ELK3: variants seen among roughly 807,000 people sequenced by gnomAD.
ELK3 encodes the protein ETS transcription factor ELK3.
In ELK3, 10 loss-of-function variants were observed where a neutral mutation model predicts 28.9. The observed-to-expected ratio is 0.35, with a 90% CI of 0.21 to 0.59. ELK3 has a LOEUF of 0.59. ELK3 is among the 20% of genes least tolerant of loss of function. The probability of loss-of-function intolerance (pLI) is 0.82; values close to 1 mark genes in which losing one functional copy is unlikely to be tolerated. For synonymous variants in ELK3, 272 were observed against 243.5 expected, an observed-to-expected ratio of 1.12 and a Z score of -1.09; for missense variants, 463 against 517.3, an observed-to-expected ratio of 0.90 and a Z score of 1.02.
chr12:96,265,982 ATTTG>A (rs1483430812), intron 4 of ELK3, among the ~76,000 whole-genome samples: 1 of 152,216 alleles, frequency 6.6e-6, no homozygotes, highest in African/African-American at 2.4e-5. Flanking sequence ...GTACAGAAAG[ATTTG>A]TTTAAAACTT....
chr12:96,225,516 C>T (rs766989443), intron 2 of ELK3, among the ~76,000 whole-genome samples: 22 of 152,340 alleles, frequency 1.4e-4, no homozygotes, highest in Non-Finnish European at 2.5e-4. Flanking sequence ...TTCTGTCAGA[C>T]GTCTAAGGTG....
rs901833040 is a variant in ELK3 at position 96,247,748 on chromosome 12, C to T, written c.1002+14C>T. ...TTCACCGCACAGGTAAGAGTCATTCCTGTCATCTAAGCCACAGCCAGCTTC... is the reference window on the plus strand; with the variant it reads ...TTCACCGCACAGGTAAGAGTCATTCTTGTCATCTAAGCCACAGCCAGCTTC... On this transcript the variant is annotated intron_variant, in intron 3 of 4. Coordinates refer to ENST00000228741, the MANE Select transcript of ELK3 (RefSeq NM_005230.4). The surrounding 1 kb of genome is among the most constrained non-coding windows in gnomAD (Gnocchi z 5.5). The T allele has an allele frequency of 3.3e-6, 5 of 1,518,336 alleles. No individual in the cohort carries two copies. In the East Asian group the frequency reaches 1.2e-4, roughly 37 times the overall value. 94.1% of individuals were successfully genotyped at this position (1,518,336 alleles called of 1,614,324 possible). A position where few individuals can be genotyped will look rare whatever the true frequency, so the allele number is the denominator to read the frequency against.
chr12:96,242,557 G>A (rs1170629990), intron 2 of ELK3, among the ~76,000 whole-genome samples: 1 of 152,198 alleles, frequency 6.6e-6, no homozygotes, highest in Non-Finnish European at 1.5e-5. Flanking sequence ...AAACATACAT[G>A]GCGCTGCTTC....
chr12:96,249,894 G>A (rs1436710861), intron 3 of ELK3, among the ~76,000 whole-genome samples: 1 of 152,222 alleles, frequency 6.6e-6, no homozygotes, highest in Non-Finnish European at 1.5e-5. Flanking sequence ...GAAACTAGGT[G>A]GGAAGGCGTA....
At chr12:96,228,507 T>C (rs993227206) in intron 2 of ELK3, among the ~76,000 whole-genome samples, 1 of 151,180 alleles carries the variant, frequency 6.6e-6, no homozygotes, top group African/African-American at 2.4e-5. Flanking sequence ...AAACGCCGGA[T>C]CTGAGTATTA....
intron 2 of ELK3, among the ~76,000 whole-genome samples, chr12:96,240,722 G>A (rs1275553330): frequency 6.6e-6 from 1 of 152,226 alleles, no homozygotes; most frequent in Admixed American, 6.5e-5. Flanking sequence ...TAGGAGAGTT[G>A]CAGAATCAGA....
chr12:96,200,269 G>C (rs191580458), intron 1 of ELK3, among the ~76,000 whole-genome samples: 14 of 152,182 alleles, frequency 9.2e-5, no homozygotes, highest in Non-Finnish European at 1.6e-4. Flanking sequence ...TATAGAACAC[G>C]AGAACTTACT....
At position 96,224,535 on chromosome 12, in the gene ELK3, T is replaced by C. The variant is rs541919495; in HGVS notation, c.207+762T>C. On this transcript the variant is annotated intron_variant, in intron 2 of 4. Transcript: ENST00000228741. Reference sequence around the variant, plus strand: ...ACTTCCCTAATTGGAAGAAAAAACATGTTCATTTTTAAGTCATAGAGATGA... The same window carrying C: ...ACTTCCCTAATTGGAAGAAAAAACACGTTCATTTTTAAGTCATAGAGATGA... 6.6e-5 allele frequency among the ~76,000 whole-genome samples: 10 copies of C among 152,360 alleles called. No individual in the cohort carries two copies. The South Asian group carries it at 1.0e-3, about 16-fold the overall frequency.
chr12:96,250,147 C>T (rs1031812759), intron 3 of ELK3, among the ~76,000 whole-genome samples: 1 of 152,184 alleles, frequency 6.6e-6, no homozygotes, highest in African/African-American at 2.4e-5. Context: ...TCCTCTAAAC[C>T]ACGCAAAACT....
chr12:96,198,356 C>T (rs1951485760), intron 1 of ELK3, among the ~76,000 whole-genome samples: 1 of 152,182 alleles, frequency 6.6e-6, no homozygotes, highest in Non-Finnish European at 1.5e-5. Flanking sequence ...ACCTCTGTAC[C>T]AGCTGTCTCA....
chr12:96,211,137 C>T (rs1951575546), intron 1 of ELK3, among the ~76,000 whole-genome samples: 1 of 152,170 alleles, frequency 6.6e-6, no homozygotes. Flanking sequence ...GTATAAAGCA[C>T]TCAGCACAAT....
At chr12:96,258,794 A>G (rs1951970898) in intron 3 of ELK3, among the ~76,000 whole-genome samples, 1 of 152,196 alleles carries the variant, frequency 6.6e-6, no homozygotes, top group African/African-American at 2.4e-5. Context: ...TGGGAAACCC[A>G]GGGTTTTGGC....
intron 2 of ELK3, among the ~76,000 whole-genome samples, chr12:96,241,426 TTGTGTGTGTGTGTGTGTG>T (rs57658963): frequency 2.0e-5 from 3 of 146,348 alleles, no homozygotes; most frequent in Admixed American, 6.9e-5. Flanking sequence ...AGTGGAGCGT[TTGTGTGTGTGTGTGTGTG>T]TGTGTGTGTG....
intron 3 of ELK3, among the ~76,000 whole-genome samples, chr12:96,253,566 A>G (rs1951924145): frequency 6.6e-6 from 1 of 152,246 alleles, no homozygotes; most frequent in Admixed American, 6.5e-5. Flanking sequence ...CCAGAGATTC[A>G]GTCACCTTTT....
intron 2 of ELK3, 141 bp from the exon 3 acceptor site, chr12:96,246,799 C>T (rs1402437779): frequency 2.4e-6 from 2 of 825,910 alleles, no homozygotes. Flanking sequence ...CAACTTCATT[C>T]CTCCTTCCAC....
chr12:96,235,397 G>A (rs904132889), intron 2 of ELK3, among the ~76,000 whole-genome samples: 3 of 152,104 alleles, frequency 2.0e-5, no homozygotes, highest in Non-Finnish European at 4.4e-5. Flanking sequence ...TCTCCCTTAC[G>A]GGGCCGCATG....
chr12:96,249,319 C>G (rs893061551), intron 3 of ELK3, among the ~76,000 whole-genome samples: 5 of 152,202 alleles, frequency 3.3e-5, no homozygotes, highest in Admixed American at 6.5e-5. Flanking sequence ...CACGCTTTCT[C>G]TGGACTGGAT....
In ELK3 at chr12:96,223,703, G is replaced by A. The variant is rs1442560886; in HGVS notation, c.137G>A (p.Gly46Glu). The change falls in exon 2 of 5, where the codon GGA becomes GAA. Residue 46 changes from glycine (G) to glutamate (E), a missense_variant. Physicochemically the swap from Gly to Glu is moderately conservative, Grantham distance 98 (BLOSUM62 -2). Coordinates refer to ENST00000228741, the MANE Select transcript of ELK3 (RefSeq NM_005230.4). Reference sequence around the variant, plus strand: ...GCAGAAGAAGTGGCCAAGCTGTGGGGACTCCGAAAAAACAAAACAAATATG... The same window carrying A: ...GCAGAAGAAGTGGCCAAGCTGTGGGAACTCCGAAAAAACAAAACAAATATG... ...LKAEEVAKLW[G>E]LRKNKTNMNY... 6.2e-7 allele frequency: 1 copy of A among 1,614,092 alleles called. No individual in the cohort carries two copies. The highest frequency in any genetic ancestry group is 8.5e-7 in the Non-Finnish European group (1 of 1,180,034).
chr12:96,265,046 A>G (rs181305443), intron 4 of ELK3, among the ~76,000 whole-genome samples: 76 of 152,290 alleles, frequency 5.0e-4, no homozygotes, highest in Admixed American at 2.2e-3. Context: ...GCAATGGAAG[A>G]AGGGCGAGTT....
Sources: allele counts gnomAD v4.1 joint callset (sites outside exome capture counted in the v4.1 genomes callset), GRCh38; gene constraint gnomAD v4.1.1; non-coding constraint Gnocchi (gnomAD v3.1); transcripts MANE v1.5; gene names NCBI Gene and HGNC (gene_info 2026-07-23, HGNC 2026-07-21).